Variants in SPTLC1 observed in about 807,000 individuals in gnomAD.
The protein encoded by SPTLC1 is serine palmitoyltransferase long chain base subunit 1.
Under a neutral mutation model 68.9 loss-of-function variants are expected in SPTLC1, and 55 were observed. The ratio of observed to expected loss-of-function variants is 0.80; its 90% CI spans 0.64 to 1.00. The LOEUF (loss-of-function observed/expected upper bound fraction) is 1.00, where lower values mean the gene tolerates loss of function less well. Ranked by LOEUF, SPTLC1 falls within the 50% of genes least tolerant of loss-of-function variation. The pLI, the probability that SPTLC1 is intolerant of heterozygous loss-of-function variation, is 0.00. For synonymous variants in SPTLC1, 197 were observed against 201.6 expected (o/e 0.98, Z 0.19); for missense variants, 449 against 573.1 (o/e 0.78, Z 2.21).
intron 3 of SPTLC1, chr9:92,104,801 T>C (rs551463464): frequency 2.6e-5 from 40 of 1,533,258 alleles, no homozygotes; most frequent in African/African-American, 1.9e-4. Context: ...CACTTCCTCC[T>C]GGTACAATCC....
intron 11 of SPTLC1, among the ~76,000 whole-genome samples, chr9:92,046,607 C>G (rs1208015327): frequency 6.6e-6 from 1 of 152,150 alleles, no homozygotes; most frequent in Non-Finnish European, 1.5e-5. Context: ...CGGGTAGGGC[C>G]TGCTGCTCCC....
intron 1 of SPTLC1, among the ~76,000 whole-genome samples, chr9:92,114,243 G>A (rs916877668): frequency 1.3e-5 from 2 of 152,144 alleles, no homozygotes; most frequent in Non-Finnish European, 2.9e-5. Flanking sequence ...ACTCTAGCCT[G>A]GGCGACAGAG....
At chr9:92,080,208 A>G (rs1834829936) in intron 4 of SPTLC1, 120 bp from the exon 5 acceptor site, 1 of 776,314 alleles carries the variant, frequency 1.3e-6, no homozygotes, top group Non-Finnish European at 2.2e-6. Flanking sequence ...ACAGAATATA[A>G]AGAAGAGACA....
chr9:92,096,192 T>C (rs562935588), intron 3 of SPTLC1, among the ~76,000 whole-genome samples: 2 of 152,216 alleles, frequency 1.3e-5, no homozygotes, highest in African/African-American at 4.8e-5. Context: ...GCCAAGAGAA[T>C]AAAAACTATA....
intron 7 of SPTLC1, among the ~76,000 whole-genome samples, chr9:92,058,617 G>A (rs1164808188): frequency 6.6e-6 from 1 of 152,166 alleles, no homozygotes; most frequent in Non-Finnish European, 1.5e-5. Context: ...TTCTCGAGAG[G>A]AAACAGCTGA....
At chr9:92,040,659 G>C (rs1833312871) in intron 12 of SPTLC1, among the ~76,000 whole-genome samples, 2 of 151,876 alleles carry the variant, frequency 1.3e-5, no homozygotes, top group South Asian at 4.2e-4. Context: ...TCAGGAGGCT[G>C]AGACAGGAAA....
chr9:92,099,201 T>C (rs1835653418), intron 3 of SPTLC1, among the ~76,000 whole-genome samples: 1 of 152,218 alleles, frequency 6.6e-6, no homozygotes, highest in Non-Finnish European at 1.5e-5. Flanking sequence ...GCTGGGGTCC[T>C]GTTAGGGGCA....
Position 92,050,016 on chromosome 9 carries a change from A to C in SPTLC1, c.832T>G (p.Ser278Ala), listed in dbSNP as rs750037760. ...KARIFLEESL[S>A]FGVLGEHGRG... The stretch of plus-strand genomic sequence containing the variant: ...CCATGCTCTCCTAGGACTCCAAATG[A>C]AAGGCTTTCCTCCAGGAAGATTCTT... Residue 278 changes from serine to alanine, a missense_variant, in exon 9 of 15, where the codon TCA (serine) becomes GCA (alanine). Ser to Ala is a moderately conservative substitution (Grantham distance 99, BLOSUM62 1). Coordinates refer to ENST00000262554, the MANE Select transcript of SPTLC1 (RefSeq NM_006415.4). The C allele has an allele frequency of 3.1e-6, 5 of 1,613,934 alleles. No individual in the cohort carries two copies. The highest frequency in any genetic ancestry group is 4.2e-6 in the Non-Finnish European group (5 of 1,179,914).
At chr9:92,038,430 A>C (rs1045543848) in intron 12 of SPTLC1, 65 bp from the exon 13 acceptor site, 1 of 1,063,640 alleles carries the variant, frequency 9.4e-7, no homozygotes, top group Non-Finnish European at 1.5e-6. Flanking sequence ...CTCACGGAGA[A>C]ATAATGTTAG....
intron 3 of SPTLC1, among the ~76,000 whole-genome samples, chr9:92,107,616 G>A (rs1836048920): frequency 1.3e-5 from 2 of 152,316 alleles, no homozygotes; most frequent in African/African-American, 4.8e-5. Context: ...GCCGGGCATG[G>A]CAGCATGCGC....
Position 92,034,856 on chromosome 9 carries a change from G to C in SPTLC1, c.1282C>G (p.Gln428Glu). Residue 428 changes from glutamine to glutamate, a missense_variant, in exon 14 of 15, where the codon CAG becomes GAG. Around this residue, in one of 3 missense-constraint regions of SPTLC1, gnomAD observed 391 missense variants for 472.1 expected, o/e 0.83. Transcript: ENST00000262554. ...QCMNRSIALT[Q>E]ARYLEKEEKC... is the part of the protein sequence containing the mutation. ...TCTTCTTTCTCCAAGTAGCGCGCCT[G>C]AGTTAATGCAATACTTCTGTTCATG... 1 of 1,614,156 alleles carries C rather than the reference G, an allele frequency of 6.2e-7. No homozygotes were observed. Among genetic ancestry groups the C allele is most frequent in the Non-Finnish European group, 8.5e-7 (1 of 1,180,018 alleles).
rs1587899831 is a variant in SPTLC1 at position 92,034,830 on chromosome 9, C to CT, written c.1307dup (p.Lys437GlufsTer89). On this transcript the variant is annotated frameshift_variant, in exon 14 of 15. Transcript: ENST00000262554. LOFTEE classifies it high-confidence loss of function. ...CTGACCTGGGAGGAGGGAGACACTT[C>CT]TCTTCTTTCTCCAAGTAGCGCGCCT... 6.2e-7 allele frequency: 1 copy of CT among 1,614,148 alleles called. No homozygotes were observed. The highest frequency in any genetic ancestry group is 2.2e-5 in the East Asian group (1 of 44,890).
At chr9:92,044,481 A>C (rs1833445601) in intron 12 of SPTLC1, among the ~76,000 whole-genome samples, 2 of 152,200 alleles carry the variant, frequency 1.3e-5, no homozygotes, top group Admixed American at 6.5e-5. Context: ...GTCCAGGCGA[A>C]GGGCAGTAGC....
chr9:92,103,121 T>C (rs966689101), intron 3 of SPTLC1, among the ~76,000 whole-genome samples: 2 of 152,250 alleles, frequency 1.3e-5, no homozygotes, highest in African/African-American at 2.4e-5. Flanking sequence ...TTTATCCATA[T>C]GGAATAATCC....
At chr9:92,084,433 T>C (rs906766788) in intron 3 of SPTLC1, among the ~76,000 whole-genome samples, 3 of 152,230 alleles carry the variant, frequency 2.0e-5, no homozygotes, top group African/African-American at 7.2e-5. Flanking sequence ...CCTAATTTAT[T>C]GAGAGTTTTC....
chr9:92,101,932 C>T (rs1010190730), intron 3 of SPTLC1, among the ~76,000 whole-genome samples: 12 of 151,904 alleles, frequency 7.9e-5, no homozygotes, highest in African/African-American at 2.7e-4. Flanking sequence ...CATCCAGTTC[C>T]GTGAAGCTTA....
intron 3 of SPTLC1, among the ~76,000 whole-genome samples, chr9:92,100,739 CA>C (rs1835716977): frequency 6.6e-6 from 1 of 151,956 alleles, no homozygotes; most frequent in African/African-American, 2.4e-5. Context: ...CCTTCTCCCC[CA>C]GCCCCCAGTC....
At chr9:92,034,645 AG>A (rs1195227222) in intron 14 of SPTLC1, among the ~76,000 whole-genome samples, 164 bp downstream of exon 14, 14 of 152,240 alleles carry the variant, frequency 9.2e-5, no homozygotes, top group Non-Finnish European at 8.8e-5. Flanking sequence ...TTAAAATTTT[AG>A]AAACTTCTAG....
chr9:92,088,981 A>G (rs1313724856), intron 3 of SPTLC1, among the ~76,000 whole-genome samples: 1 of 152,150 alleles, frequency 6.6e-6, no homozygotes, highest in Non-Finnish European at 1.5e-5. Flanking sequence ...CCAATCAAAA[A>G]CCACAACCCC....
Sources: gnomAD v4.1 joint callset for allele counts (sites outside exome capture counted in the v4.1 genomes callset) on GRCh38, gnomAD v4.1.1 for gene constraint, gnomAD v4.1.1 regional missense constraint, MANE v1.5 for transcripts, NCBI Gene and HGNC (gene_info 2026-07-23, HGNC 2026-07-21) for gene names.